The following ATP2C2 variants were observed in gnomAD, a reference collection of about 807,000 sequenced individuals.
ATP2C2 encodes ATPase secretory pathway Ca2+ transporting 2.
ATP2C2 carries 171 observed loss-of-function variants against 110.8 expected under a neutral mutation model. That is an observed-to-expected ratio of 1.54 (90% CI 1.36 to 1.75). The LOEUF (loss-of-function observed/expected upper bound fraction) is 1.75, where lower values mean the gene tolerates loss of function less well. ATP2C2 is among the 40% of genes most tolerant of loss of function. The pLI is 0.00. For synonymous variants in ATP2C2, 804 were observed against 508.4 expected, an observed-to-expected ratio of 1.58 and a Z score of -7.82; for missense variants, 1,963 against 1,235.0, an observed-to-expected ratio of 1.59 and a Z score of -8.84.
Position 84,456,071 on chromosome 16 carries a change from A to G in ATP2C2, c.2147+1087A>G, listed in dbSNP as rs1157598143. Among the ~76,000 whole-genome samples the G allele has an allele frequency of 4.0e-5, 4 of 100,604 alleles. No individual in the cohort carries two copies. In the East Asian group the frequency reaches 7.5e-4, roughly 19 times the overall value. 66.0% of individuals were successfully genotyped at this position (100,604 alleles called of 152,430 possible). The stretch of plus-strand genomic sequence containing the variant: ...ATTTTTGCATCAATGTTCATCAAGG[A>G]TATTGGTCTAAAATTCTCTTTTTTG... On this transcript the variant is annotated intron_variant, in intron 21 of 26. Coordinates refer to ENST00000262429, the MANE Select transcript of ATP2C2 (RefSeq NM_014861.4).
rs745905548 is a variant in ATP2C2, at chr16:84,422,715, G to T, written c.843+18G>T. On this transcript the variant is annotated intron_variant, in intron 9 of 26. Coordinates refer to ENST00000262429, the MANE Select transcript of ATP2C2 (RefSeq NM_014861.4). Reference sequence around the variant, plus strand: ...CTGAAGAGGTAAGGGGCAGGAGGGGGCTTCGGGACTTTTGTAAGCTGGAGT... The same window carrying T: ...CTGAAGAGGTAAGGGGCAGGAGGGGTCTTCGGGACTTTTGTAAGCTGGAGT... The T allele has an allele frequency of 2.5e-6, 4 of 1,593,030 alleles. No homozygotes were observed. In the African/African-American group the frequency reaches 5.4e-5, roughly 22 times the overall value.
chr16:84,373,111 C>T (rs1910050536), intron 1 of ATP2C2, among the ~76,000 whole-genome samples: 3 of 138,262 alleles, frequency 2.2e-5, no homozygotes, highest in African/African-American at 7.6e-5. Context: ...CAGAGCGAGA[C>T]TCCCTCTCAA....
At chr16:84,388,350 A>G (rs1041496078) in intron 1 of ATP2C2, among the ~76,000 whole-genome samples, 7 of 152,128 alleles carry the variant, frequency 4.6e-5, no homozygotes, top group African/African-American at 1.7e-4. Flanking sequence ...AAAAACTAGT[A>G]TCAACCTTTG....
At chr16:84,440,053 G>C (rs1219017377) in intron 13 of ATP2C2, among the ~76,000 whole-genome samples, 3 of 152,250 alleles carry the variant, frequency 2.0e-5, no homozygotes, top group African/African-American at 7.2e-5. Flanking sequence ...GGCCAGGCTG[G>C]TCTCAAACTC....
In ATP2C2 at chr16:84,439,167, C is replaced by G. The variant is rs777902681; in HGVS notation, c.988C>G (p.Leu330Val). 2 of 1,612,212 alleles carry G rather than the reference C, an allele frequency of 1.2e-6. No homozygotes were observed. The highest frequency in any genetic ancestry group is 1.3e-5 in the African/African-American group (1 of 74,990). The change falls in exon 12 of 27, where the codon CTG (leucine) becomes GTG (valine). Residue 330 changes from leucine (L) to valine (V), a missense_variant and splice_region_variant. Leu to Val is a conservative substitution (Grantham distance 32, BLOSUM62 1). Transcript: ENST00000262429. ...GACTCATTTGACCTTTCGATCCAGC[C>G]TGGCTGTGGCGGCCATTCCAGAGGG... ...LLSMFTIGVS[L>V]AVAAIPEGLP...
intron 2 of ATP2C2, among the ~76,000 whole-genome samples, chr16:84,402,961 C>G (rs1905435461): frequency 6.6e-6 from 1 of 152,134 alleles, no homozygotes; most frequent in South Asian, 2.1e-4. Flanking sequence ...GATCTTATTA[C>G]TTGTTATTGG....
intron 1 of ATP2C2, among the ~76,000 whole-genome samples, chr16:84,389,150 GC>G (rs1904498761): frequency 6.6e-6 from 1 of 152,042 alleles, no homozygotes. Flanking sequence ...ACCCCCAGGG[GC>G]CAAGTGCTTT....
At chr16:84,372,645 C>G (rs1227180373) in intron 1 of ATP2C2, among the ~76,000 whole-genome samples, 1 of 151,566 alleles carries the variant, frequency 6.6e-6, no homozygotes, top group Non-Finnish European at 1.5e-5. Context: ...AGGCTGGTCT[C>G]GAACTCCTGA....
Position 84,452,103 on chromosome 16 carries a change from A to G in ATP2C2, c.1831+12A>G, listed in dbSNP as rs750116090. 5 of 1,613,818 alleles carry G rather than the reference A, an allele frequency of 3.1e-6. No homozygotes were observed. The Admixed American group carries it at 6.7e-5, about 22-fold the overall frequency. ...GGCCTTGGCCATAGGTAACTGGGAC[A>G]GGGTCGGGGGTGAGGACGAAAGGAC... is the stretch of plus-strand genomic sequence containing the variant. On this transcript the variant is annotated intron_variant, in intron 18 of 26. Coordinates refer to ENST00000262429, the MANE Select transcript of ATP2C2 (RefSeq NM_014861.4).
At chr16:84,421,372 G>A (rs1432458528) in intron 7 of ATP2C2, among the ~76,000 whole-genome samples, 1 of 152,236 alleles carries the variant, frequency 6.6e-6, no homozygotes, top group African/African-American at 2.4e-5. Context: ...GGACTGAGAT[G>A]CTATGGCAGT....
At chr16:84,377,315 C>T (rs929694315) in intron 1 of ATP2C2, among the ~76,000 whole-genome samples, 2 of 152,150 alleles carry the variant, frequency 1.3e-5, no homozygotes, top group Non-Finnish European at 2.9e-5. Flanking sequence ...ACCTGTCTTC[C>T]CTCTCCCTGC....
intron 1 of ATP2C2, among the ~76,000 whole-genome samples, chr16:84,395,367 A>C (rs1370704249): frequency 1.3e-5 from 2 of 152,000 alleles, no homozygotes; most frequent in African/African-American, 4.8e-5. Flanking sequence ...ATGTGGGTGG[A>C]CAGCCCTGGG....
intron 1 of ATP2C2, among the ~76,000 whole-genome samples, chr16:84,388,796 G>A (rs1310408866): frequency 6.6e-6 from 1 of 151,954 alleles, no homozygotes; most frequent in African/African-American, 2.4e-5. Context: ...TTTTTGAGAT[G>A]GAGTCTCGCT....
chr16:84,429,232 A>G (rs563009552), intron 11 of ATP2C2, among the ~76,000 whole-genome samples: 1 of 152,196 alleles, frequency 6.6e-6, no homozygotes, highest in Non-Finnish European at 1.5e-5. Context: ...GCTCACTGCA[A>G]TCTCCATCTC....
intron 1 of ATP2C2, among the ~76,000 whole-genome samples, chr16:84,390,655 A>C (rs1904599985): frequency 6.6e-6 from 1 of 152,136 alleles, no homozygotes; most frequent in African/African-American, 2.4e-5. Context: ...CTTCCTGGGC[A>C]CAGGATTTTC....
At chr16:84,438,321 C>T (rs552307615) in intron 11 of ATP2C2, among the ~76,000 whole-genome samples, 1 of 152,186 alleles carries the variant, frequency 6.6e-6, no homozygotes, top group African/African-American at 2.4e-5. Flanking sequence ...TCAAACTGGA[C>T]ACCAGGCACC....
rs201708031 is a variant in ATP2C2 at position 84,460,766 on chromosome 16, A to G, written c.2446A>G (p.Ile816Val). Residue 816 changes from isoleucine to valine, a missense_variant, in exon 24 of 27, where the codon ATC (isoleucine) becomes GTC (valine). Transcript: ENST00000262429. ...GAAGATCCTCATGTCCGCGGCCATCATCATCAGCGGGACCCTCTTTATCTT... is the reference window on the plus strand; with the variant it reads ...GAAGATCCTCATGTCCGCGGCCATCGTCATCAGCGGGACCCTCTTTATCTT... ...ILKILMSAAIIISGTLFIFWK... is the reference protein window; with the variant it reads ...ILKILMSAAIVISGTLFIFWK... The G allele has an allele frequency of 2.0e-5, 33 of 1,613,976 alleles. No homozygotes were observed. In the Middle Eastern group the frequency reaches 6.6e-4, roughly 32 times the overall value.
intron 1 of ATP2C2, among the ~76,000 whole-genome samples, chr16:84,390,392 G>T (rs939754885): frequency 2.0e-5 from 3 of 152,222 alleles, no homozygotes; most frequent in Non-Finnish European, 4.4e-5. Flanking sequence ...TTAAACGTCA[G>T]TCCTGAGCTG....
intron 2 of ATP2C2, among the ~76,000 whole-genome samples, chr16:84,399,521 A>G (rs1219648899): frequency 1.3e-5 from 2 of 152,254 alleles, no homozygotes; most frequent in South Asian, 2.1e-4. Flanking sequence ...GTTTCCTTCC[A>G]TTATGACTGA....
Sources: gnomAD v4.1 joint callset for allele counts (sites outside exome capture counted in the v4.1 genomes callset) on GRCh38, gnomAD v4.1.1 for gene constraint, MANE v1.5 for transcripts, NCBI Gene and HGNC (gene_info 2026-07-23, HGNC 2026-07-21) for gene names.